Variants in DNAH9 observed in about 807,000 individuals in gnomAD.
DNAH9 encodes the protein DNAH9 variant protein.
DNAH9 carries 345 observed loss-of-function variants against 471.6 expected under a neutral mutation model. The observed-to-expected ratio is 0.73, with a 90% CI of 0.67 to 0.80. DNAH9 has a LOEUF of 0.80. DNAH9 is among the 30% of genes least tolerant of loss of function. DNAH9 has a pLI of 0.00. For synonymous variants in DNAH9, 2,093 were observed against 2,123.6 expected (o/e 0.99, Z 0.40); for missense variants, 5,407 against 5,609.2 (o/e 0.96, Z 1.15).
chr17:11,616,482 C>G (rs2072746561), intron 4 of DNAH9, among the ~76,000 whole-genome samples: 1 of 152,142 alleles, frequency 6.6e-6, no homozygotes, highest in African/African-American at 2.4e-5. Flanking sequence ...TTTTGCATTC[C>G]CTCTAAGTTG....
At chr17:11,789,591 G>A (rs540747113) in intron 41 of DNAH9, among the ~76,000 whole-genome samples, 1 of 151,958 alleles carries the variant, frequency 6.6e-6, no homozygotes, top group African/African-American at 2.4e-5. Context: ...TAGGGAGTTA[G>A]CAATTGTGCT....
chr17:11,837,251 G>A (rs1970879835), intron 49 of DNAH9, among the ~76,000 whole-genome samples: 1 of 152,168 alleles, frequency 6.6e-6, no homozygotes, highest in Non-Finnish European at 1.5e-5. Flanking sequence ...AAATCACACT[G>A]GATTTGAAGT....
chr17:11,805,783 C>T (rs1024020947), intron 43 of DNAH9, among the ~76,000 whole-genome samples: 4 of 152,054 alleles, frequency 2.6e-5, no homozygotes, highest in African/African-American at 9.7e-5. Context: ...GAACTCCTAA[C>T]CTCAGGTGAT....
chr17:11,709,150 T>C (rs142040428), intron 26 of DNAH9, among the ~76,000 whole-genome samples: 1 of 152,290 alleles, frequency 6.6e-6, no homozygotes, highest in African/African-American at 2.4e-5. Flanking sequence ...GAATACCTTA[T>C]AGAGGGAAAG....
chr17:11,809,569 A>T (rs1969813189), intron 44 of DNAH9, among the ~76,000 whole-genome samples: 1 of 152,000 alleles, frequency 6.6e-6, no homozygotes, highest in African/African-American at 2.4e-5. Flanking sequence ...TCCATCTCAA[A>T]AAATAAAAAA....
intron 22 of DNAH9, among the ~76,000 whole-genome samples, chr17:11,698,973 G>C (rs1011749516): frequency 6.6e-6 from 1 of 152,136 alleles, no homozygotes; most frequent in Non-Finnish European, 1.5e-5. Context: ...GGCTATGGCC[G>C]GGTGTGGTGG....
At chr17:11,720,695 T>G (rs901673442) in intron 27 of DNAH9, among the ~76,000 whole-genome samples, 5 of 152,230 alleles carry the variant, frequency 3.3e-5, no homozygotes, top group Non-Finnish European at 7.3e-5. Context: ...ATTCATCCTC[T>G]ATAATTTAAT....
Position 11,793,524 on chromosome 17 carries a change from G to C in DNAH9, c.8083G>C (p.Glu2695Gln), listed in dbSNP as rs1336969191. 1.9e-6 allele frequency: 3 copies of C among 1,613,196 alleles called. No individual in the cohort carries two copies. The highest frequency in any genetic ancestry group is 4.5e-5 in the East Asian group (2 of 44,856). Residue 2695 changes from glutamate to glutamine, a missense_variant, in exon 42 of 69, where the codon GAA becomes CAA. Glu to Gln is a conservative substitution (Grantham distance 29). Coordinates refer to ENST00000262442, the MANE Select transcript of DNAH9 (RefSeq NM_001372.4). ...GAAGGGCATTCTCTTCTCCTCAGTG[G>C]AATGTGTGAAATCCACATGGGATCT... ...IFQGILFSSVECVKSTWDLIR... is the reference protein window; with the variant it reads ...IFQGILFSSVQCVKSTWDLIR...
At chr17:11,844,784 G>T (rs1342452541) in intron 49 of DNAH9, among the ~76,000 whole-genome samples, 1 of 152,106 alleles carries the variant, frequency 6.6e-6, no homozygotes, top group Non-Finnish European at 1.5e-5. Flanking sequence ...CTTGTGTCAT[G>T]AAGGTATGAA....
At chr17:11,725,307 C>T (rs558645564) in intron 27 of DNAH9, among the ~76,000 whole-genome samples, 1 of 152,288 alleles carries the variant, frequency 6.6e-6, no homozygotes, top group South Asian at 2.1e-4. Context: ...CTGAAGTCTC[C>T]ATGTCACCCT....
At chr17:11,720,981 A>C (rs2075046650) in intron 27 of DNAH9, among the ~76,000 whole-genome samples, 1 of 152,210 alleles carries the variant, frequency 6.6e-6, no homozygotes, top group South Asian at 2.1e-4. Flanking sequence ...ATTTTTCTAT[A>C]GTTGAGCAAT....
Position 11,756,550 on chromosome 17 carries a change from C to T in DNAH9, c.6739-18C>T, listed in dbSNP as rs750481283. ...CTCCCTCCTTCCTCACTGGCATGCC[C>T]TTCCCTGTTGTCTCCAGGTGCTGAC... is the stretch of plus-strand genomic sequence containing the variant. On this transcript the variant is annotated intron_variant, in intron 33 of 68. Transcript: ENST00000262442. 6.7e-7 allele frequency: 1 copy of T among 1,492,994 alleles called. No individual in the cohort carries two copies. The highest frequency in any genetic ancestry group is 9.3e-7 in the Non-Finnish European group (1 of 1,069,566). 92.5% of individuals were successfully genotyped at this position (1,492,994 alleles called of 1,614,324 possible).
At chr17:11,805,958 C>A (rs1443793575) in intron 43 of DNAH9, among the ~76,000 whole-genome samples, 9 of 152,166 alleles carry the variant, frequency 5.9e-5, no homozygotes, top group South Asian at 4.1e-4. Flanking sequence ...TCTCAAACTC[C>A]TGCCCTCAGG....
At chr17:11,825,260 A>G (rs988903532) in intron 48 of DNAH9, among the ~76,000 whole-genome samples, 16 of 152,166 alleles carry the variant, frequency 1.1e-4, no homozygotes, top group Non-Finnish European at 2.2e-4. Context: ...CATAGAATAC[A>G]ATCTCAGAAT....
At position 11,919,571 on chromosome 17, in the gene DNAH9, C is replaced by T. The variant is rs562761747; in HGVS notation, c.11750-4243C>T. ...GACAGAGGGAAATGGGTAACATAGC[C>T]GGCTTCTGGACACATTGAAAGAGTA... On this transcript the variant is annotated intron_variant, in intron 61 of 68. Transcript: ENST00000262442. 3.3e-5 allele frequency among the ~76,000 whole-genome samples: 5 copies of T among 151,712 alleles called. No individual in the cohort carries two copies. The East Asian group carries it at 7.7e-4, about 23-fold the overall frequency.
intron 49 of DNAH9, among the ~76,000 whole-genome samples, chr17:11,843,608 T>G (rs1971102936): frequency 6.6e-6 from 1 of 151,632 alleles, no homozygotes; most frequent in Non-Finnish European, 1.5e-5. Flanking sequence ...TAAAAGTTCT[T>G]ATCATTTAAC....
At chr17:11,601,132 G>A (rs56924590) in intron 1 of DNAH9, among the ~76,000 whole-genome samples, 3,764 of 152,182 alleles carry the variant, frequency 0.025, 148 homozygotes, top group East Asian at 0.081. Context: ...CGTCATATGC[G>A]GGATTTCTTT....
chr17:11,604,224 C>T (rs1367773597), intron 1 of DNAH9, among the ~76,000 whole-genome samples: 6 of 151,958 alleles, frequency 3.9e-5, no homozygotes, highest in African/African-American at 1.4e-4. Flanking sequence ...GGTTTCTACT[C>T]TGTTGGCCAG....
chr17:11,700,604 G>C (rs528031620), intron 23 of DNAH9, among the ~76,000 whole-genome samples: 1 of 152,194 alleles, frequency 6.6e-6, no homozygotes, highest in African/African-American at 2.4e-5. Context: ...ATTTTACAGG[G>C]TTCCACCCTT....
Sources: allele counts gnomAD v4.1 joint callset (sites outside exome capture counted in the v4.1 genomes callset), GRCh38; gene constraint gnomAD v4.1.1; transcripts MANE v1.5; gene names NCBI Gene and HGNC (gene_info 2026-07-23, HGNC 2026-07-21).